Variants in HFM1 observed in about 807,000 individuals in gnomAD.
The protein encoded by HFM1 is helicase for meiosis 1.
Under a neutral mutation model 192.1 loss-of-function variants are expected in HFM1, and 169 were observed. The ratio of observed to expected loss-of-function variants is 0.88; its 90% CI spans 0.78 to 1.00. The LOEUF (loss-of-function observed/expected upper bound fraction) is 1.00. Among genes scored for constraint, HFM1 ranks in the 50% least tolerant of loss-of-function variants. The pLI, the probability that HFM1 is intolerant of heterozygous loss-of-function variation, is 0.00. For synonymous variants in HFM1, 525 were observed against 537.8 expected (o/e 0.98, Z 0.33); for missense variants, 1,661 against 1,668.0 (o/e 1.00, Z 0.07).
intron 30 of HFM1, among the ~76,000 whole-genome samples, chr1:91,300,602 C>T (rs2101029999): frequency 6.6e-6 from 1 of 152,284 alleles, no homozygotes; most frequent in Non-Finnish European, 1.5e-5. Context: ...AAGTGGGCTT[C>T]ATCCCTGGGA....
intron 20 of HFM1, chr1:91,329,587 C>T: frequency 9.2e-7 from 1 of 1,088,612 alleles, no homozygotes; most frequent in Non-Finnish European, 1.3e-6. Flanking sequence ...AGAGCTACAG[C>T]TAGAGAAACC....
At chr1:91,357,766 T>C (rs1443071211) in intron 13 of HFM1, among the ~76,000 whole-genome samples, 5 of 152,152 alleles carry the variant, frequency 3.3e-5, no homozygotes, top group Non-Finnish European at 7.4e-5. Flanking sequence ...GGATTCAAAA[T>C]CCATATACAG....
intron 34 of HFM1, 148 bp downstream of exon 34, chr1:91,273,564 T>C (rs1252606655): frequency 5.6e-6 from 3 of 533,924 alleles, no homozygotes; most frequent in Non-Finnish European, 9.9e-6. Flanking sequence ...CCCAAGAATT[T>C]GAAAATGATT....
At chr1:91,326,855 A>G (rs1234814518) in intron 20 of HFM1, among the ~76,000 whole-genome samples, 1 of 152,228 alleles carries the variant, frequency 6.6e-6, no homozygotes, top group Non-Finnish European at 1.5e-5. Context: ...GAAAAAGGTA[A>G]AAAGCATGGG....
In HFM1 at chr1:91,322,939, A is replaced by G; in HGVS notation, c.2582+11T>C. 8.0e-7 allele frequency: 1 copy of G among 1,244,714 alleles called. No individual in the cohort carries two copies. Among genetic ancestry groups the G allele is most frequent in the Non-Finnish European group, 1.1e-6 (1 of 920,568 alleles). The allele number at this position is 1,244,714 out of a possible 1,614,324, so 77.1% of individuals were successfully genotyped here. A position where few individuals can be genotyped will look rare whatever the true frequency, so the allele number is the denominator to read the frequency against. ...AAAAAGAAAACTTTCATAAGTATGA[A>G]TCATCTTTACCAATTTACTTTCATT... On this transcript the variant is annotated intron_variant, in intron 23 of 38. Coordinates refer to ENST00000370425, the MANE Select transcript of HFM1 (RefSeq NM_001017975.6).
At chr1:91,336,019 T>A (rs1654522975) in intron 20 of HFM1, among the ~76,000 whole-genome samples, 2 of 150,778 alleles carry the variant, frequency 1.3e-5, no homozygotes, top group Admixed American at 1.3e-4. Context: ...AAGGGCTTTC[T>A]CTCTCCCATC....
chr1:91,270,551 A>G (rs796930686), intron 34 of HFM1, among the ~76,000 whole-genome samples: 42 of 151,798 alleles, frequency 2.8e-4, no homozygotes, highest in African/African-American at 9.6e-4. Flanking sequence ...ACTGTATAGG[A>G]AAAGTTTTTG....
chr1:91,379,262 ATTCTT>A (rs1449775700), intron 8 of HFM1, 48 bp from the exon 9 acceptor site: 1 of 1,465,126 alleles, frequency 6.8e-7, no homozygotes, highest in South Asian at 1.2e-5. Context: ...CAATTTTAAA[ATTCTT>A]TTCACAAACT....
chr1:91,325,750 T>G (rs1164526744), intron 20 of HFM1, among the ~76,000 whole-genome samples: 1 of 151,722 alleles, frequency 6.6e-6, no homozygotes, highest in Non-Finnish European at 1.5e-5. Flanking sequence ...CCTCACCAAG[T>G]GAACTAAACA....
intron 2 of HFM1, 28 bp downstream of exon 2, chr1:91,400,984 A>G (rs922474158): frequency 1.2e-5 from 13 of 1,124,554 alleles, no homozygotes; most frequent in Non-Finnish European, 1.7e-5. Context: ...GTAATATACT[A>G]TGCTATCAAT....
At chr1:91,336,280 A>G (rs1007937158) in intron 20 of HFM1, among the ~76,000 whole-genome samples, 2 of 143,570 alleles carry the variant, frequency 1.4e-5, no homozygotes, top group South Asian at 2.2e-4. Context: ...GGATTCAATT[A>G]TAAGTTGTCT....
intron 30 of HFM1, among the ~76,000 whole-genome samples, chr1:91,289,705 A>G (rs1668490562): frequency 6.6e-6 from 1 of 152,164 alleles, no homozygotes; most frequent in Non-Finnish European, 1.5e-5. Context: ...ACCAAAAAAT[A>G]CAAAAACCAG....
chr1:91,363,524 C>CAAA (rs140616807), intron 13 of HFM1, among the ~76,000 whole-genome samples: 3 of 118,150 alleles, frequency 2.5e-5, no homozygotes, highest in Non-Finnish European at 3.6e-5. Context: ...ACTAAAAAGT[C>CAAA]AAAAAAAAAA....
Position 91,378,445 on chromosome 1 carries a change from G to A in HFM1, c.1194C>T (p.Asp398=), listed in dbSNP as rs771747509. The change falls in exon 10 of 39, where the codon GAC becomes GAT. Residue 398 remains aspartate, a synonymous_variant. Coordinates refer to ENST00000370425, the MANE Select transcript of HFM1 (RefSeq NM_001017975.6). ...KWDSMTRKWR[D]NSLVQLVRLF... ...GTCGAACCAGCTGAACCAAAGAGTT[G>A]TCTCTCCATTTCCTAGTCATGCTAT... 3 of 1,605,142 alleles carry A rather than the reference G, an allele frequency of 1.9e-6. No homozygotes were observed. The South Asian group carries it at 3.3e-5, about 18-fold the overall frequency.
Position 91,394,182 on chromosome 1 carries a change from C to T in HFM1, c.405G>A (p.Glu135=). Residue 135 remains glutamate, a synonymous_variant, in exon 4 of 39, where the codon GAG becomes GAA. Transcript: ENST00000370425. ...SQKYKNHIGT[E]IAPEKSVPDD... is the part of the protein sequence containing the mutation. ...CAGGAACACTCTTCTCAGGTGCTAT[C>T]TCAGTGCCAATGTGATTTTTATATT... 6.2e-7 allele frequency: 1 copy of T among 1,607,498 alleles called. No individual in the cohort carries two copies. The highest frequency in any genetic ancestry group is 8.5e-7 in the Non-Finnish European group (1 of 1,174,218).
At chr1:91,282,516 CTTGGT>C (rs1667552274) in intron 30 of HFM1, among the ~76,000 whole-genome samples, 1 of 152,094 alleles carries the variant, frequency 6.6e-6, no homozygotes, top group Non-Finnish European at 1.5e-5. Context: ...TCTCATCACC[CTTGGT>C]TGTCTGCCTA....
At chr1:91,367,826 C>A (rs1202782547) in intron 13 of HFM1, among the ~76,000 whole-genome samples, 1 of 151,906 alleles carries the variant, frequency 6.6e-6, no homozygotes, top group Non-Finnish European at 1.5e-5. Flanking sequence ...GAAGTTTGAA[C>A]CCATGGCAAA....
upstream of HFM1, among the ~76,000 whole-genome samples, chr1:91,406,086 T>C (rs953273386): frequency 1.2e-4 from 18 of 152,324 alleles, no homozygotes; most frequent in Admixed American, 3.9e-4. Context: ...ATGAGTAGGA[T>C]TGTGCCCTTT....
chr1:91,286,676 C>T (rs1329293393), intron 30 of HFM1, among the ~76,000 whole-genome samples: 1 of 152,178 alleles, frequency 6.6e-6, no homozygotes, highest in Non-Finnish European at 1.5e-5. Flanking sequence ...CGAATAGGAA[C>T]ATCTCCAGTC....
Sources: allele counts gnomAD v4.1 joint callset (sites outside exome capture counted in the v4.1 genomes callset), GRCh38; gene constraint gnomAD v4.1.1; transcripts MANE v1.5; gene names NCBI Gene and HGNC (gene_info 2026-07-23, HGNC 2026-07-21).